The following TANGO6 variants were observed in gnomAD, a reference collection of about 807,000 sequenced individuals.
TANGO6 encodes transport and Golgi organization protein 6 homolog.
TANGO6 carries 90 observed loss-of-function variants against 114.2 expected under a neutral mutation model. That is an observed-to-expected ratio of 0.79 (90% CI 0.66 to 0.94). TANGO6 has a LOEUF of 0.94. TANGO6 is among the 40% of genes least tolerant of loss of function. The pLI is 0.00. For missense variants in TANGO6, 1,274 were observed against 1,315.3 expected (o/e 0.97, Z 0.49); for synonymous variants, 477 against 509.8 (o/e 0.94, Z 0.87).
chr16:68,972,140 T>C (rs1490065392), intron 14 of TANGO6, among the ~76,000 whole-genome samples: 1 of 151,826 alleles, frequency 6.6e-6, no homozygotes, highest in East Asian at 1.9e-4. Flanking sequence ...AGTCCTAAGA[T>C]GGACTCTGGA....
intron 14 of TANGO6, among the ~76,000 whole-genome samples, chr16:68,951,814 G>A (rs1465564681): frequency 8.5e-5 from 13 of 152,070 alleles, no homozygotes; most frequent in Admixed American, 5.9e-4. Context: ...AGGTTTCACC[G>A]TGTTAGCTAG....
At chr16:69,054,444 A>G (rs1567566892) in intron 17 of TANGO6, among the ~76,000 whole-genome samples, 1 of 152,126 alleles carries the variant, frequency 6.6e-6, no homozygotes, top group Non-Finnish European at 1.5e-5. Context: ...ATTTTCTGAG[A>G]TTCTGTGGTA....
rs142280265 is a variant in TANGO6 at position 69,039,102 on chromosome 16, G to A, written c.2995-1206G>A. Among the ~76,000 whole-genome samples the A allele has an allele frequency of 4.7e-3, 713 of 152,078 alleles. 5 individuals carry two copies. The highest frequency in any genetic ancestry group is 0.016 in the African/African-American group (673 of 41,520). The stretch of plus-strand genomic sequence containing the variant: ...CGGGAGGTTGAGGCAGGAGAATGGC[G>A]TGAACCCGGGAAGCGGAGCTTGCTG... On this transcript the variant is annotated intron_variant, in intron 16 of 17. Transcript: ENST00000261778.
intron 14 of TANGO6, among the ~76,000 whole-genome samples, chr16:68,971,640 C>CT (rs1001629951): frequency 5.3e-5 from 8 of 150,680 alleles, no homozygotes; most frequent in African/African-American, 1.7e-4. Context: ...TTCTTTTTTT[C>CT]TTTTTTTTGA....
chr16:68,945,133 T>C (rs1963400936), intron 14 of TANGO6, among the ~76,000 whole-genome samples: 1 of 152,158 alleles, frequency 6.6e-6, no homozygotes, highest in African/African-American at 2.4e-5. Context: ...AGGGCGAGAC[T>C]CTGTCTCAAA....
chr16:68,859,830 A>T, intron 1 of TANGO6, 54 bp from the exon 2 acceptor site: 1 of 1,490,454 alleles, frequency 6.7e-7, no homozygotes. Context: ...CCACAGGGGG[A>T]AGTGCAGCTT....
At chr16:69,005,920 C>T (rs999352024) in intron 15 of TANGO6, among the ~76,000 whole-genome samples, 7 of 152,084 alleles carry the variant, frequency 4.6e-5, no homozygotes, top group Non-Finnish European at 1.0e-4. Flanking sequence ...GTTTTTCTTG[C>T]CTCTGTTAAG....
intron 7 of TANGO6, among the ~76,000 whole-genome samples, chr16:68,890,605 G>A (rs1023473922): frequency 7.2e-5 from 11 of 152,350 alleles, no homozygotes; most frequent in African/African-American, 1.7e-4. Flanking sequence ...GCATGTGGCC[G>A]GGTGTGGTGG....
intron 17 of TANGO6, among the ~76,000 whole-genome samples, chr16:69,051,265 G>A (rs569784717): frequency 2.0e-5 from 3 of 152,240 alleles, no homozygotes; most frequent in African/African-American, 7.2e-5. Context: ...TTTCGGCTGA[G>A]CACGGTGGCT....
At chr16:69,048,581 C>T (rs1007737197) in intron 17 of TANGO6, among the ~76,000 whole-genome samples, 1 of 151,966 alleles carries the variant, frequency 6.6e-6, no homozygotes, top group African/African-American at 2.4e-5. Flanking sequence ...AAACTCAGGC[C>T]TCCATGCAGG....
At chr16:68,960,409 C>A (rs1963577477) in intron 14 of TANGO6, among the ~76,000 whole-genome samples, 1 of 151,268 alleles carries the variant, frequency 6.6e-6, no homozygotes, top group Non-Finnish European at 1.5e-5. Context: ...GGGATTCATT[C>A]ACAGGTATTT....
intron 11 of TANGO6, among the ~76,000 whole-genome samples, chr16:68,915,619 A>G (rs1280549716): frequency 1.3e-5 from 2 of 152,192 alleles, no homozygotes; most frequent in Non-Finnish European, 2.9e-5. Context: ...AGATAGTAGA[A>G]ACAGTTTCTA....
At chr16:69,024,425 T>C (rs1202478328) in intron 16 of TANGO6, among the ~76,000 whole-genome samples, 1 of 151,958 alleles carries the variant, frequency 6.6e-6, no homozygotes, top group Non-Finnish European at 1.5e-5. Flanking sequence ...CATGCCACTA[T>C]GCCCAGCTAA....
chr16:68,936,755 G>C (rs113585819), intron 14 of TANGO6, among the ~76,000 whole-genome samples: 2 of 151,934 alleles, frequency 1.3e-5, no homozygotes, highest in Non-Finnish European at 2.9e-5. Context: ...GTCCCTCTCA[G>C]TGTCAAAAGG....
intron 15 of TANGO6, among the ~76,000 whole-genome samples, chr16:68,991,165 A>G (rs1460709049): frequency 2.0e-5 from 3 of 152,230 alleles, no homozygotes; most frequent in African/African-American, 7.2e-5. Context: ...CTAGATAGAC[A>G]GGGTAGAGCC....
chr16:69,073,774 G>A (rs943704153), intron 17 of TANGO6, among the ~76,000 whole-genome samples: 1 of 152,028 alleles, frequency 6.6e-6, no homozygotes. Context: ...GGCCAATATG[G>A]TGAAACCCAG....
chr16:68,960,217 G>T (rs1336375521), intron 14 of TANGO6, among the ~76,000 whole-genome samples: 1 of 151,458 alleles, frequency 6.6e-6, no homozygotes, highest in African/African-American at 2.4e-5. Context: ...AATGCTTAGG[G>T]CAGTGATTAC....
chr16:69,032,305 G>A (rs111646238), intron 16 of TANGO6, among the ~76,000 whole-genome samples: 51 of 151,934 alleles, frequency 3.4e-4, no homozygotes, highest in Non-Finnish European at 5.7e-4. Context: ...TCGCGCTGTC[G>A]CCCAGGCTGT....
intron 15 of TANGO6, among the ~76,000 whole-genome samples, chr16:68,991,999 CT>C (rs35352949): frequency 9.4e-5 from 14 of 148,936 alleles, no homozygotes; most frequent in South Asian, 2.1e-4. Context: ...GACCATCATC[CT>C]TTTTTTTTTA....
Sources: gnomAD v4.1 joint callset for allele counts (sites outside exome capture counted in the v4.1 genomes callset) on GRCh38, gnomAD v4.1.1 for gene constraint, MANE v1.5 for transcripts, NCBI Gene and HGNC (gene_info 2026-07-23, HGNC 2026-07-21) for gene names.